The following VAV3 variants were observed in gnomAD, a reference collection of about 807,000 sequenced individuals.
VAV3 encodes the protein vav guanine nucleotide exchange factor 3, also known as guanine nucleotide exchange factor VAV3.
A neutral mutation model predicts 131.2 loss-of-function variants in VAV3; 94 were observed. That is an observed-to-expected ratio of 0.72 (90% CI 0.61 to 0.85). The LOEUF is 0.85. Ranked by LOEUF, VAV3 falls within the 40% of genes least tolerant of loss-of-function variation. The probability of loss-of-function intolerance (pLI) is 0.00; values close to 1 mark genes in which losing one functional copy is unlikely to be tolerated. For synonymous variants in VAV3, 349 were observed against 342.0 expected (o/e 1.02, Z -0.22); for missense variants, 939 against 1,002.7 (o/e 0.94, Z 0.86).
chr1:107,686,204 C>T (rs1166364908), intron 18 of VAV3, among the ~76,000 whole-genome samples: 1 of 152,014 alleles, frequency 6.6e-6, no homozygotes, highest in Non-Finnish European at 1.5e-5. Flanking sequence ...AGGAACTTTC[C>T]GAAGGTCCAC....
At chr1:107,733,408 T>C (rs976139955) in intron 15 of VAV3, among the ~76,000 whole-genome samples, 1 of 152,200 alleles carries the variant, frequency 6.6e-6, no homozygotes, top group African/African-American at 2.4e-5. Context: ...TTGACAGAAG[T>C]AGGCTTCAGA....
At chr1:107,747,156 A>G (rs192808088) in intron 15 of VAV3, among the ~76,000 whole-genome samples, 190 of 152,282 alleles carry the variant, frequency 1.2e-3, no homozygotes, top group South Asian at 4.8e-3. Flanking sequence ...CTGGGATTAC[A>G]GGCATGAACC....
intron 15 of VAV3, among the ~76,000 whole-genome samples, chr1:107,742,158 A>G (rs1048630415): frequency 1.3e-5 from 2 of 152,336 alleles, no homozygotes; most frequent in African/African-American, 4.8e-5. Flanking sequence ...CCTTCTTACC[A>G]TACAGGAAAA....
intron 17 of VAV3, among the ~76,000 whole-genome samples, chr1:107,695,153 T>C (rs1004008985): frequency 6.6e-6 from 1 of 151,502 alleles, no homozygotes; most frequent in African/African-American, 2.4e-5. Context: ...GTGTTATAGG[T>C]TGGGGGATAG....
rs534865153 is a variant in VAV3 at position 107,613,456 on chromosome 1, C to T, written c.1981-3491G>A. Among the ~76,000 whole-genome samples, 3 of 152,182 alleles carry T rather than the reference C, an allele frequency of 2.0e-5. No individual in the cohort carries two copies. In the South Asian group the frequency reaches 6.2e-4, roughly 32 times the overall value. On this transcript the variant is annotated intron_variant, in intron 21 of 26. Coordinates refer to ENST00000370056, the MANE Select transcript of VAV3 (RefSeq NM_006113.5). ...CTTCAGATTTCTCCTCAATTTCCTA[C>T]ACAACTGTGTCTGATATGCCATGTA...
chr1:107,767,292 C>A (rs1664785134), intron 7 of VAV3, among the ~76,000 whole-genome samples: 1 of 152,180 alleles, frequency 6.6e-6, no homozygotes, highest in African/African-American at 2.4e-5. Context: ...AAATACATGT[C>A]ATAGCCAGGA....
At chr1:107,812,210 A>G (rs1331857977) in intron 2 of VAV3, among the ~76,000 whole-genome samples, 1 of 152,212 alleles carries the variant, frequency 6.6e-6, no homozygotes, top group Admixed American at 6.5e-5. Flanking sequence ...TTAAATTACA[A>G]TGCTGTCAGA....
At chr1:107,659,092 G>A (rs1026147371) in intron 19 of VAV3, among the ~76,000 whole-genome samples, 1 of 151,850 alleles carries the variant, frequency 6.6e-6, no homozygotes, top group African/African-American at 2.4e-5. Flanking sequence ...GGTCTAACAT[G>A]TAAGTCTTTA....
chr1:107,722,751 A>G (rs78288249), intron 15 of VAV3, among the ~76,000 whole-genome samples: 9 of 151,628 alleles, frequency 5.9e-5, no homozygotes, highest in Non-Finnish European at 1.3e-4. Context: ...ATCCTTTAAG[A>G]TACCTTGGGC....
At chr1:107,893,650 A>G (rs1211231571) in intron 1 of VAV3, among the ~76,000 whole-genome samples, 1 of 152,190 alleles carries the variant, frequency 6.6e-6, no homozygotes, top group East Asian at 1.9e-4. Context: ...TCACATGAGA[A>G]CAGCACAGGA....
chr1:107,712,816 T>A (rs910038587), intron 15 of VAV3, among the ~76,000 whole-genome samples: 1 of 152,190 alleles, frequency 6.6e-6, no homozygotes, highest in African/African-American at 2.4e-5. Flanking sequence ...CAAACAATCA[T>A]GAAACTGCAG....
chr1:107,787,985 C>A (rs1396075064), intron 2 of VAV3, among the ~76,000 whole-genome samples: 1 of 152,090 alleles, frequency 6.6e-6, no homozygotes, highest in African/African-American at 2.4e-5. Flanking sequence ...CCTGGCCAGA[C>A]ATTGGGGAAA....
At chr1:107,708,493 C>G (rs1022049492) in intron 15 of VAV3, among the ~76,000 whole-genome samples, 5 of 152,256 alleles carry the variant, frequency 3.3e-5, no homozygotes, top group Non-Finnish European at 7.4e-5. Context: ...ATCAGGCAAT[C>G]AAACATTTAT....
chr1:107,574,327 G>A (rs1437209524), intron 25 of VAV3, 129 bp from the exon 26 acceptor site: 21 of 1,131,938 alleles, frequency 1.9e-5, no homozygotes, highest in Admixed American at 2.9e-5. Context: ...AGCGATAATG[G>A]CAGAGGAGCT....
chr1:107,930,918 A>C (rs1022741089), intron 1 of VAV3, among the ~76,000 whole-genome samples: 7 of 152,212 alleles, frequency 4.6e-5, no homozygotes, highest in African/African-American at 1.7e-4. Flanking sequence ...TTCAATTTTA[A>C]GGTATTATAA....
At chr1:107,649,362 T>A (rs1655985609) in intron 19 of VAV3, among the ~76,000 whole-genome samples, 1 of 152,044 alleles carries the variant, frequency 6.6e-6, no homozygotes, top group Admixed American at 6.6e-5. Context: ...TGAAGAATAT[T>A]TGCTCTTACA....
At chr1:107,625,145 T>C (rs1368444742) in intron 20 of VAV3, among the ~76,000 whole-genome samples, 2 of 152,152 alleles carry the variant, frequency 1.3e-5, no homozygotes, top group African/African-American at 4.8e-5. Flanking sequence ...GCTTATATTA[T>C]ATAAGCACTT....
chr1:107,704,716 C>T, intron 16 of VAV3, 66 bp from the exon 17 acceptor site: 1 of 1,329,550 alleles, frequency 7.5e-7, no homozygotes, highest in East Asian at 2.3e-5. Context: ...GAAATTACTG[C>T]AAGAAGAAGA....
At chr1:107,687,283 C>T (rs1659098126) in intron 18 of VAV3, among the ~76,000 whole-genome samples, 1 of 152,062 alleles carries the variant, frequency 6.6e-6, no homozygotes, top group Admixed American at 6.6e-5. Context: ...TCTTGATATC[C>T]TATATGTTCA....
Sources: gnomAD v4.1 joint callset for allele counts (sites outside exome capture counted in the v4.1 genomes callset) on GRCh38, gnomAD v4.1.1 for gene constraint, MANE v1.5 for transcripts, NCBI Gene and HGNC (gene_info 2026-07-23, HGNC 2026-07-21) for gene names.